SYN2: variants seen among roughly 807,000 people sequenced by gnomAD.
SYN2 encodes the protein synapsin II, also known as synapsin-2.
In SYN2, 19 loss-of-function variants were observed where a neutral mutation model predicts 50.9. The observed-to-expected ratio is 0.37, with a 90% CI of 0.26 to 0.55. The LOEUF is 0.55. Among genes scored for constraint, SYN2 ranks in the 20% least tolerant of loss-of-function variants. The pLI, the probability that SYN2 is intolerant of heterozygous loss-of-function variation, is 0.81. For missense variants in SYN2, 587 were observed against 576.4 expected (o/e 1.02, Z -0.19); for synonymous variants, 255 against 224.9 (o/e 1.13, Z -1.20).
chr3:12,028,140 T>A (rs1183914088), intron 1 of SYN2, among the ~76,000 whole-genome samples: 1 of 149,452 alleles, frequency 6.7e-6, no homozygotes, highest in Non-Finnish European at 1.5e-5. Flanking sequence ...TTTTTTGTTC[T>A]TGGCGATAGT....
intron 5 of SYN2, chr3:12,154,537 G>T: frequency 6.6e-7 from 1 of 1,508,642 alleles, no homozygotes; most frequent in South Asian, 1.3e-5. Flanking sequence ...GCCCAGAATT[G>T]CAGCCTCCCC....
intron 1 of SYN2, among the ~76,000 whole-genome samples, chr3:12,089,810 T>C (rs1001849718): frequency 3.3e-5 from 5 of 152,114 alleles, no homozygotes; most frequent in Non-Finnish European, 7.4e-5. Context: ...GTAGGCACGA[T>C]GTCATAGAGG....
intron 1 of SYN2, among the ~76,000 whole-genome samples, chr3:12,063,210 A>G (rs1323532065): frequency 6.6e-6 from 1 of 152,066 alleles, no homozygotes; most frequent in Non-Finnish European, 1.5e-5. Context: ...CAAAAGGTGA[A>G]CCATAATGTT....
chr3:12,089,134 A>G (rs375897367), intron 1 of SYN2, among the ~76,000 whole-genome samples: 48 of 152,318 alleles, frequency 3.2e-4, no homozygotes, highest in African/African-American at 9.1e-4. Flanking sequence ...CCATAAATAT[A>G]TACGTATTCG....
intron 11 of SYN2, chr3:12,184,425 A>C (rs1319421499): frequency 1.0e-6 from 1 of 985,800 alleles, no homozygotes; most frequent in Non-Finnish European, 1.2e-6. Context: ...GCAGGGAGCT[A>C]CTGAAGGTCT....
chr3:12,026,007 T>C (rs1681513753), intron 1 of SYN2, among the ~76,000 whole-genome samples: 1 of 152,236 alleles, frequency 6.6e-6, no homozygotes, highest in African/African-American at 2.4e-5. Flanking sequence ...TGCCATGTGA[T>C]AGAAAGAGCT....
At chr3:12,168,349 T>G in intron 8 of SYN2, 27 bp from the exon 9 acceptor site, 1 of 1,602,340 alleles carries the variant, frequency 6.2e-7, no homozygotes, top group Non-Finnish European at 8.5e-7. Flanking sequence ...TTGCCCCAGC[T>G]TCAGGACACC....
At chr3:12,181,881 G>A (rs1698229888) in intron 10 of SYN2, among the ~76,000 whole-genome samples, 1 of 152,180 alleles carries the variant, frequency 6.6e-6, no homozygotes, top group African/African-American at 2.4e-5. Context: ...CCGGGTATGG[G>A]TATTGCAGTG....
intron 1 of SYN2, among the ~76,000 whole-genome samples, chr3:12,050,356 T>TTG (rs1346666623): frequency 7.1e-6 from 1 of 140,752 alleles, no homozygotes; most frequent in African/African-American, 3.1e-5. Flanking sequence ...TTTTTTTTTT[T>TTG]TTTTTTGGAG....
intron 3 of SYN2, 57 bp downstream of exon 3, chr3:12,142,053 G>A: frequency 1.3e-6 from 1 of 773,828 alleles, no homozygotes; most frequent in Non-Finnish European, 2.4e-6. Context: ...TACTACCTCT[G>A]GCCCAAAGAG....
intron 5 of SYN2, 121 bp downstream of exon 5, chr3:12,151,447 T>G (rs1697289577): frequency 1.4e-6 from 1 of 740,214 alleles, no homozygotes; most frequent in Non-Finnish European, 2.4e-6. Context: ...CCACTGGGGT[T>G]GAACTATAGA....
intron 1 of SYN2, chr3:12,070,352 CG>C: frequency 2.0e-6 from 1 of 512,096 alleles, no homozygotes; most frequent in South Asian, 1.6e-5. Flanking sequence ...CACCAGGGCA[CG>C]ATGGTGGGCA....
intron 1 of SYN2, among the ~76,000 whole-genome samples, chr3:12,119,807 C>T (rs1696513305): frequency 6.6e-6 from 1 of 152,170 alleles, no homozygotes; most frequent in Non-Finnish European, 1.5e-5. Context: ...CCTCCTCTCT[C>T]CTTCATACCT....
intron 1 of SYN2, among the ~76,000 whole-genome samples, chr3:12,028,692 T>C (rs1694319051): frequency 1.4e-5 from 2 of 146,854 alleles, no homozygotes; most frequent in Non-Finnish European, 3.0e-5. Context: ...AAGTGTCTGT[T>C]CATGTCCTTC....
intron 1 of SYN2, among the ~76,000 whole-genome samples, chr3:12,021,736 A>G (rs1367951668): frequency 6.6e-6 from 1 of 152,122 alleles, no homozygotes; most frequent in Non-Finnish European, 1.5e-5. Flanking sequence ...GTTCGTTCCA[A>G]CTTGGCAGAA....
chr3:12,004,546 A>C lies in SYN2; in HGVS notation c.-6A>C. The C allele has an allele frequency of 1.5e-6, 1 of 652,024 alleles. No homozygotes were observed. Among genetic ancestry groups the C allele is most frequent in the Non-Finnish European group, 2.8e-6 (1 of 350,960 alleles). The allele number at this position is 652,024 out of a possible 1,614,324, so 40.4% of individuals were successfully genotyped here. Reference sequence around the variant, plus strand: ...AGCCCCGCGCGCCCCCAGCCCTTTAAGCCAGATGATGAACTTCCTGCGGCG... The same window carrying C: ...AGCCCCGCGCGCCCCCAGCCCTTTACGCCAGATGATGAACTTCCTGCGGCG... On this transcript the variant is annotated 5_prime_UTR_variant, in exon 1 of 13. Coordinates refer to ENST00000621198, the MANE Select transcript of SYN2 (RefSeq NM_133625.6).
At chr3:12,188,571 C>G (rs541852135) in intron 12 of SYN2, among the ~76,000 whole-genome samples, 4 of 151,922 alleles carry the variant, frequency 2.6e-5, no homozygotes, top group Non-Finnish European at 4.4e-5. Context: ...ACTAGGAGAT[C>G]ATGTAGTCAT....
At chr3:12,092,883 C>G (rs986560308) in intron 1 of SYN2, among the ~76,000 whole-genome samples, 3 of 152,132 alleles carry the variant, frequency 2.0e-5, no homozygotes, top group Non-Finnish European at 2.9e-5. Context: ...GTATTAAAGA[C>G]CCATTGGATC....
At chr3:12,123,031 A>G (rs1324645168) in intron 1 of SYN2, among the ~76,000 whole-genome samples, 1 of 152,338 alleles carries the variant, frequency 6.6e-6, no homozygotes, top group Admixed American at 6.5e-5. Context: ...ACTGGAAGGT[A>G]AAGCTGAAAT....
Sources: gnomAD v4.1 joint callset for allele counts (sites outside exome capture counted in the v4.1 genomes callset) on GRCh38, gnomAD v4.1.1 for gene constraint, MANE v1.5 for transcripts, NCBI Gene and HGNC (gene_info 2026-07-23, HGNC 2026-07-21) for gene names.